The following HSPBP1 variants were observed in gnomAD, a reference collection of about 807,000 sequenced individuals.
HSPBP1 encodes the protein hsp70-binding protein 1.
HSPBP1 carries 31 observed loss-of-function variants against 41.7 expected under a neutral mutation model. That is an observed-to-expected ratio of 0.74 (90% CI 0.56 to 1.00). The LOEUF (loss-of-function observed/expected upper bound fraction) is 1.00. Among genes scored for constraint, HSPBP1 ranks in the 50% least tolerant of loss-of-function variants. The pLI is 0.00. For synonymous variants in HSPBP1, 199 were observed against 214.4 expected, an observed-to-expected ratio of 0.93 and a Z score of 0.63; for missense variants, 439 against 487.9, an observed-to-expected ratio of 0.90 and a Z score of 0.94.
In HSPBP1 at chr19:55,265,371, C is replaced by A; in HGVS notation, c.912G>T (p.Pro304=). 6.2e-7 allele frequency: 1 copy of A among 1,613,344 alleles called. No homozygotes were observed. The highest frequency in any genetic ancestry group is 8.5e-7 in the Non-Finnish European group (1 of 1,179,838). Residue 304 remains proline (P), a synonymous_variant, in exon 7 of 8, where the codon CCG becomes CCT. Transcript: ENST00000433386. ...GCTCCCGACACTCGCGCACACCCTGCGGAAAGTCTGTCACCAGGCTGTGAG... is the reference window on the plus strand; with the variant it reads ...GCTCCCGACACTCGCGCACACCCTGAGGAAAGTCTGTCACCAGGCTGTGAG... The part of the protein sequence containing the change: ...GALCSLVTDF[P]QGVRECREPE...
At chr19:55,274,345 G>GGCCCCCCCCCCCCCCCC in intron 4 of HSPBP1, 53 bp downstream of exon 4, 3 of 552,678 alleles carry the variant, frequency 5.4e-6, no homozygotes, top group Non-Finnish European at 9.2e-6. Context: ...GGCCCACCCG[G>GGCCCCCCCCCCCCCCCC]CACCCCCCCC....
chr19:55,279,877 G>A, intron 1 of HSPBP1, 158 bp downstream of exon 1: 1 of 646,742 alleles, frequency 1.5e-6, no homozygotes, highest in South Asian at 1.8e-5. Flanking sequence ...CACTCTCCCT[G>A]GCAACAACCC....
Position 55,274,583 on chromosome 19 carries a change from C to G in HSPBP1, c.455G>C (p.Arg152Pro). The change falls in exon 4 of 8, where the codon CGG becomes CCG. Residue 152 changes from arginine to proline, a missense_variant. Physicochemically the swap from Arg to Pro is moderately radical, Grantham distance 103. Transcript: ENST00000433386. ...QLSGMHLLVGRYLEAGAAGLR... is the reference protein window; with the variant it reads ...QLSGMHLLVGPYLEAGAAGLR... The stretch of plus-strand genomic sequence containing the variant: ...TCCCGCAGCCCCCGCCTCCAGGTAC[C>G]GGCCCACCAGCAGGTGCATGCCAGA... 1 of 1,608,334 alleles carries G rather than the reference C, an allele frequency of 6.2e-7. No homozygotes were observed.
In HSPBP1 at chr19:55,262,297, C is replaced by A; in HGVS notation, c.*311G>T. The A allele has an allele frequency of 9.3e-7, 1 of 1,070,592 alleles. No homozygotes were observed. The highest frequency in any genetic ancestry group is 1.2e-6 in the Non-Finnish European group (1 of 865,814). The allele number at this position is 1,070,592 out of a possible 1,614,324, so 66.3% of individuals were successfully genotyped here. On this transcript the variant is annotated 3_prime_UTR_variant, in exon 8 of 8. Transcript: ENST00000433386. ...TCCCTTAAACCCGTGCCCCTCCTCC[C>A]GTCCCCCATGCACCCTCCAAAGGAG...
intron 7 of HSPBP1, among the ~76,000 whole-genome samples, chr19:55,264,526 A>G (rs911847146): frequency 6.6e-6 from 1 of 152,196 alleles, no homozygotes; most frequent in Non-Finnish European, 1.5e-5. Flanking sequence ...CTAATTAAAT[A>G]TCTGATGACT....
In HSPBP1 at chr19:55,274,262, T is replaced by C. The variant is rs2088001184; in HGVS notation, c.640+136A>G. The C allele has an allele frequency of 5.8e-6, 5 of 860,624 alleles. No homozygotes were observed. In the Admixed American group the frequency reaches 7.2e-5, roughly 12 times the overall value. 53.3% of individuals were successfully genotyped at this position (860,624 alleles called of 1,614,324 possible). A position where few individuals can be genotyped will look rare whatever the true frequency, so the allele number is the denominator to read the frequency against. ...TCACTCTGCCCGCAGCACTCAGCCG[T>C]GCAGGGGTCCAACAAGCATGGGAAC... is the stretch of plus-strand genomic sequence containing the variant. On this transcript the variant is annotated intron_variant, in intron 4 of 7. Transcript: ENST00000433386.
intron 2 of HSPBP1, among the ~76,000 whole-genome samples, chr19:55,278,142 G>A (rs532911445): frequency 6.6e-6 from 1 of 152,310 alleles, no homozygotes; most frequent in South Asian, 2.1e-4. Flanking sequence ...AGCTACTCGG[G>A]AGGCTGCAGC....
intron 4 of HSPBP1, 103 bp from the exon 5 acceptor site, chr19:55,266,389 C>A (rs938589600): frequency 8.8e-6 from 10 of 1,132,436 alleles, no homozygotes; most frequent in Non-Finnish European, 1.1e-5. Context: ...CCAACATCAT[C>A]ATCACCACCA....
intron 4 of HSPBP1, among the ~76,000 whole-genome samples, chr19:55,269,410 G>A (rs368891997): frequency 3.3e-5 from 5 of 152,074 alleles, no homozygotes; most frequent in East Asian, 1.9e-4. Context: ...ACCCACCCTC[G>A]CCGCATTCAC....
In HSPBP1 at chr19:55,277,806, C is replaced by T. The variant is rs773826540; in HGVS notation, c.251G>A (p.Arg84Gln). The T allele has an allele frequency of 5.7e-6, 9 of 1,592,408 alleles. No individual in the cohort carries two copies. The highest frequency in any genetic ancestry group is 3.4e-5 in the Admixed American group (2 of 58,652). Residue 84 changes from arginine to glutamine, a missense_variant, in exon 3 of 8, where the codon CGA (arginine) becomes CAA (glutamine). Physicochemically the swap from Arg to Gln is conservative, Grantham distance 43. Transcript: ENST00000433386. ...CTGCTCCACCTCCTCCCGCTGGCCT[C>T]GGAAGGCAGCCGACATGGCCTCCTG... ...WLQEAMSAAF[R>Q]GQREEVEQMK... is the part of the protein sequence containing the mutation.
chr19:55,279,834 G>T, intron 1 of HSPBP1, 132 bp from the exon 2 acceptor site: 3 of 1,019,410 alleles, frequency 2.9e-6, no homozygotes, highest in Non-Finnish European at 4.3e-6. Context: ...AAAGTCATAA[G>T]CCTCTCCTTT....
intron 4 of HSPBP1, 28 bp downstream of exon 4, chr19:55,274,370 C>T: frequency 1.4e-6 from 2 of 1,415,212 alleles, no homozygotes; most frequent in Middle Eastern, 2.5e-4. Flanking sequence ...GCCAGCACCC[C>T]TGTCCCCAGC....
intron 2 of HSPBP1, 34 bp from the exon 3 acceptor site, chr19:55,277,880 C>T: frequency 6.8e-7 from 1 of 1,468,496 alleles, no homozygotes; most frequent in Non-Finnish European, 9.0e-7. Context: ...AGAAGGAGAT[C>T]CATCAGTCAT....
chr19:55,279,471 T>C lies in HSPBP1; in HGVS notation c.138A>G (p.Gln46=), dbSNP rs1229917428. Reference sequence around the variant, plus strand: ...CGGTGATGGCCATCTGCAGCAAGCCTTGGAGGTTGCGTGGGGGCCGGGAAT... The same window carrying C: ...CGGTGATGGCCATCTGCAGCAAGCCCTGGAGGTTGCGTGGGGGCCGGGAAT... ...SGNSRPPRNL[Q]GLLQMAITAG... The change falls in exon 2 of 8, where the codon CAA becomes CAG. Residue 46 remains glutamine, a synonymous_variant. Transcript: ENST00000433386. 6.2e-7 allele frequency: 1 copy of C among 1,607,648 alleles called. No homozygotes were observed. The highest frequency in any genetic ancestry group is 1.8e-5 in the Admixed American group (1 of 56,962).
At chr19:55,267,155 T>C (rs1378715834) in intron 4 of HSPBP1, among the ~76,000 whole-genome samples, 1 of 152,206 alleles carries the variant, frequency 6.6e-6, no homozygotes, top group Non-Finnish European at 1.5e-5. Context: ...TATTTACTTA[T>C]TTATTTCATT....
chr19:55,263,833 C>A (rs1165382793), intron 7 of HSPBP1, among the ~76,000 whole-genome samples: 2 of 152,204 alleles, frequency 1.3e-5, no homozygotes, highest in Non-Finnish European at 2.9e-5. Context: ...TCACTGTTTA[C>A]CCTCCTGCGG....
At chr19:55,273,131 A>G (rs2087969044) in intron 4 of HSPBP1, among the ~76,000 whole-genome samples, 2 of 152,146 alleles carry the variant, frequency 1.3e-5, no homozygotes, top group Non-Finnish European at 1.5e-5. Context: ...ATGGAGGTAC[A>G]GTCACGCACC....
intron 4 of HSPBP1, among the ~76,000 whole-genome samples, chr19:55,269,227 A>G (rs568981943): frequency 6.6e-6 from 1 of 152,222 alleles, no homozygotes; most frequent in Admixed American, 6.5e-5. Context: ...TACCCAGTAG[A>G]TGCCAATAGT....
intron 1 of HSPBP1, 133 bp downstream of exon 1, chr19:55,279,902 C>A: frequency 1.8e-6 from 1 of 544,572 alleles, no homozygotes; most frequent in Non-Finnish European, 3.2e-6. Flanking sequence ...TCCCCATCTC[C>A]ACTGCGTGCG....
Sources: gnomAD v4.1 joint callset for allele counts (sites outside exome capture counted in the v4.1 genomes callset) on GRCh38, gnomAD v4.1.1 for gene constraint, MANE v1.5 for transcripts, NCBI Gene and HGNC (gene_info 2026-07-23, HGNC 2026-07-21) for gene names.